KCNN2: variants seen among roughly 807,000 people sequenced by gnomAD.
KCNN2 encodes the protein small conductance calcium-activated potassium channel protein 2.
A neutral mutation model predicts 55.5 loss-of-function variants in KCNN2; 24 were observed. The ratio of observed to expected loss-of-function variants is 0.43; its 90% CI spans 0.31 to 0.61. The LOEUF is 0.61. KCNN2 is among the 20% of genes least tolerant of loss of function. The pLI is 0.08. For missense variants in KCNN2, 754 were observed against 853.6 expected (o/e 0.88, Z 1.45); for synonymous variants, 431 against 336.1 (o/e 1.28, Z -3.09).
intron 1 of KCNN2, among the ~76,000 whole-genome samples, chr5:114,201,950 G>A (rs1188942926): frequency 6.6e-6 from 1 of 151,998 alleles, no homozygotes; most frequent in African/African-American, 2.4e-5. Context: ...TACCAGAAAG[G>A]GCAGGTCCCT....
chr5:114,110,338 A>C (rs1375155675), intron 1 of KCNN2, among the ~76,000 whole-genome samples: 1 of 152,064 alleles, frequency 6.6e-6, no homozygotes, highest in Non-Finnish European at 1.5e-5. Context: ...GAGTAGGCTT[A>C]GAAATAAGAA....
At position 114,362,987 on chromosome 5, in the gene KCNN2, C is replaced by T. The variant is rs1757487009; in HGVS notation, c.848C>T (p.Pro283Leu). ...SSAPEIVVSK[P>L]EHNNSNNLAL... The stretch of plus-strand genomic sequence containing the variant: ...GCCCCCGAGATCGTGGTGTCTAAGC[C>T]CGAGCACAACAACTCCAACAACCTG... Residue 283 changes from proline (P) to leucine (L), a missense_variant, in exon 1 of 8, where the codon CCC becomes CTC. Pro to Leu is a moderately conservative substitution (Grantham distance 98, BLOSUM62 -3). This residue lies in a region of KCNN2 where 381 missense variants were observed against 259.1 expected (regional missense o/e 1.47). Coordinates refer to ENST00000673685, the MANE Select transcript of KCNN2 (RefSeq NM_021614.4). The T allele has an allele frequency of 6.3e-7, 1 of 1,592,184 alleles. No homozygotes were observed. The highest frequency in any genetic ancestry group is 8.5e-7 in the Non-Finnish European group (1 of 1,174,518).
At chr5:114,070,313 C>T (rs1386079262) in intron 1 of KCNN2, among the ~76,000 whole-genome samples, 2 of 152,234 alleles carry the variant, frequency 1.3e-5, no homozygotes, top group African/African-American at 2.4e-5. Flanking sequence ...TGCTGCTCCC[C>T]AGCATTCTTT....
At chr5:114,138,752 G>C (rs1329584805) in intron 1 of KCNN2, among the ~76,000 whole-genome samples, 2 of 152,150 alleles carry the variant, frequency 1.3e-5, no homozygotes, top group Non-Finnish European at 2.9e-5. Context: ...GTGGGACCCA[G>C]ATATCTGTAA....
At chr5:114,359,672 GC>G (rs1456364159), upstream of KCNN2, among the ~76,000 whole-genome samples, 1 of 152,032 alleles carries the variant, frequency 6.6e-6, no homozygotes, top group Non-Finnish European at 1.5e-5. Flanking sequence ...TTTATGAACG[GC>G]TAATAAAAAT....
intron 1 of KCNN2, among the ~76,000 whole-genome samples, chr5:114,192,219 C>T (rs1038029158): frequency 1.3e-5 from 2 of 152,162 alleles, no homozygotes; most frequent in African/African-American, 2.4e-5. Flanking sequence ...TCCGTGTCTA[C>T]CTCCTTGAGG....
intron 5 of KCNN2, among the ~76,000 whole-genome samples, chr5:114,480,170 G>A (rs934332823): frequency 1.7e-4 from 26 of 151,550 alleles, no homozygotes; most frequent in Non-Finnish European, 3.0e-4. Context: ...ACTATGATAA[G>A]GGGGATATTA....
intron 2 of KCNN2, among the ~76,000 whole-genome samples, chr5:114,338,891 G>T (rs1430164088): frequency 1.3e-5 from 2 of 152,210 alleles, no homozygotes; most frequent in Non-Finnish European, 2.9e-5. Flanking sequence ...TGTCTTAGAA[G>T]TTACTGAAGG....
chr5:114,493,692 C>T (rs570579698), intron 7 of KCNN2, among the ~76,000 whole-genome samples: 1 of 152,278 alleles, frequency 6.6e-6, no homozygotes, highest in African/African-American at 2.4e-5. Context: ...ATTCTGAAAA[C>T]ATTCCTAGTT....
chr5:114,366,873 C>T (rs1757617232), intron 2 of KCNN2, among the ~76,000 whole-genome samples: 1 of 152,166 alleles, frequency 6.6e-6, no homozygotes, highest in Non-Finnish European at 1.5e-5. Flanking sequence ...CATAGCGTGT[C>T]CTTGGATGTA....
At chr5:114,209,581 A>G (rs1057474609) in intron 1 of KCNN2, among the ~76,000 whole-genome samples, 1 of 152,132 alleles carries the variant, frequency 6.6e-6, no homozygotes, top group East Asian at 1.9e-4. Context: ...AAACTGGAAA[A>G]AATTATAGGA....
intron 7 of KCNN2, among the ~76,000 whole-genome samples, chr5:114,494,196 A>G (rs182019681): frequency 6.6e-6 from 1 of 152,046 alleles, no homozygotes; most frequent in South Asian, 2.1e-4. Context: ...GCATTTATAT[A>G]ATTGTTCAGC....
chr5:114,241,477 A>G (rs1475434412), intron 2 of KCNN2, among the ~76,000 whole-genome samples: 2 of 151,622 alleles, frequency 1.3e-5, no homozygotes, highest in Non-Finnish European at 2.9e-5. Context: ...AAACTAAAAT[A>G]TACCAAAATG....
In KCNN2 at chr5:114,315,340, C is replaced by T. The variant is rs561421668; in HGVS notation, c.-184-45605C>T. On this transcript the variant is annotated intron_variant, in intron 2 of 10. Coordinates refer to the KCNN2 transcript ENST00000512097. ...GGCTCGTATTTATTTTATAGAGATACCAAAGAGACAAGTGTAATGCCTAGC... is the reference window on the plus strand; with the variant it reads ...GGCTCGTATTTATTTTATAGAGATATCAAAGAGACAAGTGTAATGCCTAGC... Among the ~76,000 whole-genome samples, 7 of 151,306 alleles carry T rather than the reference C, an allele frequency of 4.6e-5. No homozygotes were observed. The South Asian group carries it at 1.3e-3, about 27-fold the overall frequency.
intron 1 of KCNN2, among the ~76,000 whole-genome samples, chr5:114,216,428 T>G (rs1754002463): frequency 6.6e-6 from 1 of 152,170 alleles, no homozygotes; most frequent in Non-Finnish European, 1.5e-5. Flanking sequence ...GAAACCATTA[T>G]GTATACCCAT....
intron 4 of KCNN2, among the ~76,000 whole-genome samples, chr5:114,470,441 GTGTT>G (rs1241924454): frequency 6.6e-6 from 1 of 152,152 alleles, no homozygotes; most frequent in Non-Finnish European, 1.5e-5. Context: ...AGGCTAGCCT[GTGTT>G]TGTCGAGCAT....
At chr5:114,112,227 G>A (rs1751614168) in intron 1 of KCNN2, among the ~76,000 whole-genome samples, 2 of 151,966 alleles carry the variant, frequency 1.3e-5, no homozygotes, top group South Asian at 2.1e-4. Flanking sequence ...CTATCACAAC[G>A]GCAGAAAACC....
intron 1 of KCNN2, among the ~76,000 whole-genome samples, chr5:114,157,613 G>A (rs1752664003): frequency 6.6e-6 from 1 of 152,150 alleles, no homozygotes; most frequent in Admixed American, 6.6e-5. Flanking sequence ...CTAGTTTACA[G>A]TCCTACTAAC....
At chr5:114,181,791 C>G (rs1460019520) in intron 1 of KCNN2, among the ~76,000 whole-genome samples, 1 of 151,976 alleles carries the variant, frequency 6.6e-6, no homozygotes, top group African/African-American at 2.4e-5. Context: ...CTGAGGTGGG[C>G]AGATCACCTG....
Sources: gnomAD v4.1 joint callset for allele counts (sites outside exome capture counted in the v4.1 genomes callset) on GRCh38, gnomAD v4.1.1 for gene constraint, gnomAD v4.1.1 regional missense constraint, MANE v1.5 for transcripts, NCBI Gene and HGNC (gene_info 2026-07-23, HGNC 2026-07-21) for gene names.